TRIM14: variants seen among roughly 807,000 people sequenced by gnomAD.
The protein encoded by TRIM14 is tripartite motif containing 14.
In TRIM14, 28 loss-of-function variants were observed where a neutral mutation model predicts 44.5. That is an observed-to-expected ratio of 0.63 (90% CI 0.47 to 0.86). TRIM14 has a LOEUF of 0.86. Among genes scored for constraint, TRIM14 ranks in the 40% least tolerant of loss-of-function variants. TRIM14 has a pLI of 0.00. For synonymous variants in TRIM14, 299 were observed against 269.2 expected (o/e 1.11, Z -1.08); for missense variants, 607 against 611.1 (o/e 0.99, Z 0.07).
the TRIM14 span, among the ~76,000 whole-genome samples, chr9:98,036,382 TC>T: frequency 6.7e-6 from 1 of 149,600 alleles, no homozygotes. Context: ...GTGCCTATAC[TC>T]CCAACTACTT....
At chr9:98,083,166 C>A, downstream of TRIM14, 1 of 952,640 alleles carries the variant, frequency 1.0e-6, no homozygotes, top group Non-Finnish European at 1.6e-6. Context: ...TGTCATCCAC[C>A]TCCACCTGCT....
the TRIM14 span, chr9:98,060,796 T>C: frequency 1.2e-6 from 2 of 1,614,002 alleles, no homozygotes; most frequent in East Asian, 2.2e-5. Context: ...GTGGGGCTGA[T>C]TGTGCTAAGT....
At chr9:98,056,428 A>G in the TRIM14 span, among the ~76,000 whole-genome samples, 3 of 152,224 alleles carry the variant, frequency 2.0e-5, no homozygotes, top group Admixed American at 6.5e-5. Flanking sequence ...TCCTGAGAGC[A>G]GGACATAGAC....
At chr9:98,077,160 G>A (rs1311453933) in intron 6 of TRIM14, 13 of 641,328 alleles carry the variant, frequency 2.0e-5, no homozygotes, top group East Asian at 5.7e-5. Context: ...ATAGGGTCTC[G>A]CTGTGTTGGC....
intron 3 of TRIM14, among the ~76,000 whole-genome samples, chr9:98,099,452 C>CA (rs768209860): frequency 0.034 from 1,212 of 36,088 alleles, 32 homozygotes; most frequent in African/African-American, 0.079. Context: ...AACTCCATCT[C>CA]AAAAAAAAAA....
intron 6 of TRIM14, chr9:98,076,967 G>A: frequency 6.2e-7 from 1 of 1,611,182 alleles, no homozygotes; most frequent in Non-Finnish European, 8.5e-7. Context: ...TTCAAAGTTG[G>A]ATCTGGAGAC....
chr9:98,055,355 T>C, the TRIM14 span, among the ~76,000 whole-genome samples: 1 of 152,144 alleles, frequency 6.6e-6, no homozygotes, highest in South Asian at 2.1e-4. Context: ...TGTGGTGGGT[T>C]AAGAGAGGCC....
intron 4 of TRIM14, chr9:98,092,459 C>A: frequency 2.7e-6 from 1 of 371,522 alleles, no homozygotes; most frequent in Non-Finnish European, 5.4e-6. Context: ...GCCCAGGTTG[C>A]CTCCTTCCCA....
chr9:98,087,148 G>A lies in TRIM14; in HGVS notation c.*322C>T, dbSNP rs895625508. The A allele has an allele frequency of 1.6e-6, 1 of 609,490 alleles. No individual in the cohort carries two copies. Among genetic ancestry groups the A allele is most frequent in the Admixed American group, 2.1e-5 (1 of 46,754 alleles). 37.8% of individuals were successfully genotyped at this position (609,490 alleles called of 1,614,324 possible). On this transcript the variant is annotated 3_prime_UTR_variant, in exon 6 of 6. Coordinates refer to ENST00000341469, the MANE Select transcript of TRIM14 (RefSeq NM_014788.4). ...CGAGGGAGAAGGTTCCCAGGCTGCG[G>A]ATGATGTATTCAGGATGCTGAGGGC... is the stretch of plus-strand genomic sequence containing the variant.
rs10985082 is a variant in TRIM14 at position 98,108,243 on chromosome 9, A to G, written c.303+1646T>C. Among the ~76,000 whole-genome samples, 109 of 152,304 alleles carry G rather than the reference A, an allele frequency of 7.2e-4. No homozygotes were observed. In the East Asian group the frequency reaches 0.02, roughly 28 times the overall value. ...GGAAAGGGTCAAGAGAAAGAGAACC[A>G]TGGCTTAGATTAAGCTGAAACCTAC... On this transcript the variant is annotated intron_variant, in intron 2 of 5. Transcript: ENST00000341469.
At chr9:98,082,900 A>G, downstream of TRIM14, 1 of 1,614,186 alleles carries the variant, frequency 6.2e-7, no homozygotes, top group Non-Finnish European at 8.5e-7. Context: ...CATTCTAACA[A>G]TGGACATGCT....
intron 6 of TRIM14, among the ~76,000 whole-genome samples, chr9:98,072,452 C>G (rs1229334635): frequency 6.6e-6 from 1 of 151,276 alleles, no homozygotes; most frequent in Non-Finnish European, 1.5e-5. Flanking sequence ...CGCTGTGTCG[C>G]CCAAGCTGGA....
the TRIM14 span, among the ~76,000 whole-genome samples, chr9:98,046,817 C>T: frequency 6.6e-6 from 1 of 152,108 alleles, no homozygotes. Flanking sequence ...GCTTAGGCAA[C>T]TAATTGATTA....
chr9:98,057,372 G>A, the TRIM14 span, among the ~76,000 whole-genome samples: 1 of 152,088 alleles, frequency 6.6e-6, no homozygotes, highest in Admixed American at 6.5e-5. Context: ...TTACTTTCAG[G>A]AATGACAGTT....
rs374436760 is a variant in TRIM14 at position 98,119,071 on chromosome 9, G to T, written c.118C>A (p.Arg40Ser). The change falls in exon 1 of 6, where the codon CGC (arginine) becomes AGC (serine). Residue 40 changes from arginine to serine, a missense_variant. By Grantham distance (110) the Arg-to-Ser change is moderately radical. Around this residue, in one of 3 missense-constraint regions of TRIM14, gnomAD observed 246 missense variants for 270.8 expected, o/e 0.91. Transcript: ENST00000341469. The part of the protein sequence containing the change: ...RVAELFCRRC[R>S]RCVCALCPVL... ...GGGCAAAGCGCGCACACGCAGCGGC[G>T]GCAGCGGCGACAGAAGAGCTCAGCC... 2.4e-4 allele frequency: 384 copies of T among 1,581,458 alleles called. No individual in the cohort carries two copies. Among genetic ancestry groups the T allele is most frequent in the Non-Finnish European group, 3.2e-4 (372 of 1,173,928 alleles).
chr9:98,058,084 G>A, the TRIM14 span, among the ~76,000 whole-genome samples: 1 of 151,542 alleles, frequency 6.6e-6, no homozygotes, highest in Non-Finnish European at 1.5e-5. Flanking sequence ...CCACCATGCT[G>A]GGCTAATTTT....
At chr9:98,080,604 A>G (rs1329823748), downstream of TRIM14, among the ~76,000 whole-genome samples, 3 of 152,202 alleles carry the variant, frequency 2.0e-5, no homozygotes, top group Admixed American at 2.0e-4. Context: ...AGCATTTACA[A>G]TGTGCTGAGT....
downstream of TRIM14, chr9:98,082,999 G>A (rs781487363): frequency 1.1e-5 from 17 of 1,614,188 alleles, no homozygotes; most frequent in Non-Finnish European, 1.4e-5. Context: ...TGTTGAAGAG[G>A]ATGACACCAT....
At chr9:98,077,169 G>T in intron 6 of TRIM14, 1 of 625,320 alleles carries the variant, frequency 1.6e-6, no homozygotes, top group Non-Finnish European at 2.7e-6. Flanking sequence ...CGCTGTGTTG[G>T]CCAGGTTGGT....
Sources: allele counts gnomAD v4.1 joint callset (sites outside exome capture counted in the v4.1 genomes callset), GRCh38; gene constraint gnomAD v4.1.1; regional missense constraint gnomAD v4.1.1; transcripts MANE v1.5; gene names NCBI Gene and HGNC (gene_info 2026-07-23, HGNC 2026-07-21).